The following COL21A1 variants were observed in gnomAD, a reference collection of about 807,000 sequenced individuals.
COL21A1 encodes collagen type XXI alpha 1 chain, also known as collagen alpha-1(XXI) chain.
A neutral mutation model predicts 137.9 loss-of-function variants in COL21A1; 149 were observed. The ratio of observed to expected loss-of-function variants is 1.08; its 90% confidence interval spans 0.95 to 1.24. COL21A1 has a LOEUF of 1.24. Among genes scored for constraint, COL21A1 ranks in the 50% most tolerant of loss-of-function variants. The pLI is 0.00. For missense variants in COL21A1, 1,167 were observed against 1,158.4 expected (o/e 1.01, Z -0.11); for synonymous variants, 456 against 391.5 (o/e 1.16, Z -1.95).
At chr6:56,092,628 C>T (rs1174455449) in intron 17 of COL21A1, among the ~76,000 whole-genome samples, 1 of 152,134 alleles carries the variant, frequency 6.6e-6, no homozygotes, top group Non-Finnish European at 1.5e-5. Flanking sequence ...TGTTTATTGA[C>T]TTGCTGAAGC....
chr6:56,125,557 C>A lies in COL21A1; in HGVS notation c.1650+10G>T. ...CAATATGAATACTTTGTTGTGTGAT[C>A]TATACTTCCCTTTTTGCCATAAAAT... On this transcript the variant is annotated intron_variant, in intron 14 of 29. Coordinates refer to ENST00000244728, the MANE Select transcript of COL21A1 (RefSeq NM_030820.4). 1.3e-6 allele frequency: 2 copies of A among 1,589,898 alleles called. No individual in the cohort carries two copies. Among genetic ancestry groups the A allele is most frequent in the Non-Finnish European group, 8.6e-7 (1 of 1,162,730 alleles).
intron 1 of COL21A1, among the ~76,000 whole-genome samples, chr6:56,255,159 G>A (rs1191825698): frequency 1.3e-5 from 2 of 152,148 alleles, no homozygotes; most frequent in African/African-American, 2.4e-5. Context: ...TTGCTGTGGG[G>A]TCGGTCAAGT....
At chr6:56,271,185 G>C (rs979464138) in intron 1 of COL21A1, among the ~76,000 whole-genome samples, 2 of 152,202 alleles carry the variant, frequency 1.3e-5, no homozygotes, top group African/African-American at 4.8e-5. Flanking sequence ...AGTCCAGGCT[G>C]AGATGGTCTC....
chr6:56,277,063 G>A (rs531623427), intron 1 of COL21A1, among the ~76,000 whole-genome samples: 1 of 151,556 alleles, frequency 6.6e-6, no homozygotes, highest in African/African-American at 2.4e-5. Flanking sequence ...CTCATGATCC[G>A]CCCGCCTCGA....
chr6:56,303,397 T>C (rs2152337830), intron 1 of COL21A1, among the ~76,000 whole-genome samples: 1 of 151,710 alleles, frequency 6.6e-6, no homozygotes, highest in Admixed American at 6.6e-5. Flanking sequence ...TGTATCCTCT[T>C]TTATTTCATT....
At chr6:56,124,726 C>T (rs1397821791) in intron 14 of COL21A1, among the ~76,000 whole-genome samples, 4 of 152,064 alleles carry the variant, frequency 2.6e-5, no homozygotes, top group Non-Finnish European at 5.9e-5. Flanking sequence ...ACTGCAAGCT[C>T]CGCCTCCCGG....
Position 56,097,965 on chromosome 6 carries a change from A to T in COL21A1, c.1812+3507T>A, listed in dbSNP as rs867847377. ...TATATATAAATATAAAAATATATAT[A>T]AATATATAAATATATATAAATATAT... On this transcript the variant is annotated intron_variant, in intron 17 of 29. Transcript: ENST00000244728. 1.3e-4 allele frequency among the ~76,000 whole-genome samples: 10 copies of T among 75,188 alleles called. No individual in the cohort carries two copies. In the South Asian group the frequency reaches 3.7e-3, roughly 28 times the overall value. 49.3% of individuals were successfully genotyped at this position (75,188 alleles called of 152,430 possible). A position where few individuals can be genotyped will look rare whatever the true frequency, so the allele number is the denominator to read the frequency against.
At chr6:56,326,129 C>T (rs1277295748) in intron 1 of COL21A1, among the ~76,000 whole-genome samples, 4 of 139,076 alleles carry the variant, frequency 2.9e-5, no homozygotes, top group African/African-American at 1.1e-4. Flanking sequence ...CTGGGAAACA[C>T]ATGGTTCTAA....
At chr6:56,074,131 T>C (rs1057476413) in intron 20 of COL21A1, 101 bp downstream of exon 20, 23 of 749,672 alleles carry the variant, frequency 3.1e-5, no homozygotes, top group Non-Finnish European at 4.9e-5. Context: ...AAAAACCACA[T>C]TTAAAATACA....
intron 1 of COL21A1, among the ~76,000 whole-genome samples, chr6:56,368,573 T>C (rs1184442542): frequency 6.6e-6 from 1 of 152,218 alleles, no homozygotes; most frequent in East Asian, 1.9e-4. Flanking sequence ...AAAATTCCAG[T>C]TGGTCATGGT....
rs751234755 is a variant in COL21A1, at chr6:56,070,769, C to G, written c.1995G>C (p.Gly665=). 6 of 1,590,252 alleles carry G rather than the reference C, an allele frequency of 3.8e-6. No homozygotes were observed. The highest frequency in any genetic ancestry group is 5.1e-6 in the Non-Finnish European group (6 of 1,172,604). Residue 665 remains glycine (G), a synonymous_variant, in exon 21 of 30, where the codon GGG becomes GGC. Coordinates refer to ENST00000244728, the MANE Select transcript of COL21A1 (RefSeq NM_030820.4). ...KGSKGEPGIQ[G]MPGASGLKGE... ...CCTTGAGCCCAGAAGCCCCAGGCAT[C>G]CCTTGAATTCCAGGTTCACCTTTGC...
intron 1 of COL21A1, among the ~76,000 whole-genome samples, chr6:56,188,718 G>C (rs1778467839): frequency 6.6e-6 from 1 of 152,184 alleles, no homozygotes; most frequent in Non-Finnish European, 1.5e-5. Context: ...ACACCTCATA[G>C]AGAAGAGCTC....
chr6:56,177,791 C>CAA (rs3065941), intron 3 of COL21A1, among the ~76,000 whole-genome samples: 42,276 of 69,416 alleles, frequency 0.61, 12,554 homozygotes, highest in East Asian at 0.81. Flanking sequence ...GACTCTGCCT[C>CAA]AAAAAAAAAA....
rs576043069 is a variant in COL21A1, at chr6:56,190,690, A to G, written c.-38-8034T>C. Among the ~76,000 whole-genome samples, 48 of 152,322 alleles carry G rather than the reference A, an allele frequency of 3.2e-4. 2 individuals carry two copies. In the South Asian group the frequency reaches 9.5e-3, roughly 30 times the overall value. On this transcript the variant is annotated intron_variant, in intron 1 of 29. Transcript: ENST00000244728. ...GATGAACATCGACGCAAAAATCCTC[A>G]ATAAAATACTGGCAAACCGAACCCA...
chr6:56,196,420 G>A (rs1382619093), intron 1 of COL21A1, among the ~76,000 whole-genome samples: 1 of 152,066 alleles, frequency 6.6e-6, no homozygotes, highest in Non-Finnish European at 1.5e-5. Flanking sequence ...AAAGGAAGAA[G>A]TAAGATTGTC....
At chr6:56,215,487 T>C (rs1340298711) in intron 1 of COL21A1, among the ~76,000 whole-genome samples, 1 of 152,052 alleles carries the variant, frequency 6.6e-6, no homozygotes, top group Non-Finnish European at 1.5e-5. Flanking sequence ...CTTTTGCATT[T>C]CCCTGAACAT....
At chr6:56,227,326 T>C (rs985729420) in intron 1 of COL21A1, among the ~76,000 whole-genome samples, 2 of 152,026 alleles carry the variant, frequency 1.3e-5, no homozygotes, top group Non-Finnish European at 2.9e-5. Context: ...CTATGGACTA[T>C]TTGGAGTAAA....
Position 56,387,749 on chromosome 6 carries a change from A to G in COL21A1, c.-39+6222T>C, listed in dbSNP as rs1026086987. Among the ~76,000 whole-genome samples the G allele has an allele frequency of 7.9e-5, 12 of 152,212 alleles. 1 individual carries two copies. The highest frequency in any genetic ancestry group is 1.8e-4 in the Non-Finnish European group (12 of 68,030). ...GGAGCATTTAGATAAGCCCTGGACC[A>G]GAGGGAAATTATCCCCAGCAGAAGT... On this transcript the variant is annotated intron_variant, in intron 1 of 28. Transcript: ENST00000370819.
chr6:56,154,393 G>C (rs192864247), intron 10 of COL21A1, among the ~76,000 whole-genome samples: 3 of 152,074 alleles, frequency 2.0e-5, no homozygotes, highest in African/African-American at 7.2e-5. Flanking sequence ...TAAAACTTCT[G>C]TCTCCCCCAG....
Sources: allele counts gnomAD v4.1 joint callset (sites outside exome capture counted in the v4.1 genomes callset), GRCh38; gene constraint gnomAD v4.1.1; transcripts MANE v1.5; gene names NCBI Gene and HGNC (gene_info 2026-07-23, HGNC 2026-07-21).